TPX2: variants seen among roughly 807,000 people sequenced by gnomAD.
The protein encoded by TPX2 is targeting protein for Xklp2.
TPX2 carries 21 observed loss-of-function variants against 93.6 expected under a neutral mutation model. The observed-to-expected ratio is 0.22, with a 90% CI of 0.16 to 0.32. The LOEUF (loss-of-function observed/expected upper bound fraction) is 0.32, where lower values mean the gene tolerates loss of function less well. TPX2 is among the 10% of genes least tolerant of loss of function. The pLI, the probability that TPX2 is intolerant of heterozygous loss-of-function variation, is 1.00. For synonymous variants in TPX2, 281 were observed against 298.3 expected (o/e 0.94, Z 0.60); for missense variants, 776 against 871.1 (o/e 0.89, Z 1.37).
chr20:31,794,792 A>ATG (rs1568610103), intron 15 of TPX2, among the ~76,000 whole-genome samples: 31 of 105,640 alleles, frequency 2.9e-4, no homozygotes, highest in African/African-American at 1.2e-3. Context: ...GTGTGTGTGT[A>ATG]TGTGTGTGTG....
chr20:31,780,884 GTCT>G, intron 10 of TPX2: 4 of 367,272 alleles, frequency 1.1e-5, no homozygotes, highest in South Asian at 8.3e-5. Flanking sequence ...TTTTCACTTG[GTCT>G]TCTTTTGTTA....
intron 12 of TPX2, among the ~76,000 whole-genome samples, chr20:31,790,341 A>G (rs944307749): frequency 6.6e-6 from 1 of 152,224 alleles, no homozygotes; most frequent in Admixed American, 6.5e-5. Flanking sequence ...GATACTGCAA[A>G]AAGCATTTTG....
At chr20:31,776,531 T>C (rs6060939) in intron 8 of TPX2, among the ~76,000 whole-genome samples, 13,341 of 152,070 alleles carry the variant, frequency 0.088, 659 homozygotes, top group African/African-American at 0.14. Flanking sequence ...TTCTTTCTTT[T>C]TTTTTTTTTC....
In TPX2 at chr20:31,776,072, T is replaced by G. The variant is rs1443846262; in HGVS notation, c.730+84T>G. 2.1e-5 allele frequency: 11 copies of G among 518,890 alleles called. No homozygotes were observed. In the African/African-American group the frequency reaches 4.8e-4, roughly 23 times the overall value. The allele number at this position is 518,890 out of a possible 1,614,324, so 32.1% of individuals were successfully genotyped here. A position where few individuals can be genotyped will look rare whatever the true frequency, so the allele number is the denominator to read the frequency against. ...GGTGTTTTTTTTTTTTTTTTTTTTT[T>G]TTTTTTTTTTTTTTTTTTTGAGACG... On this transcript the variant is annotated intron_variant, in intron 8 of 17. Transcript: ENST00000300403.
At chr20:31,755,286 G>A (rs1308599027) in intron 2 of TPX2, among the ~76,000 whole-genome samples, 1 of 150,448 alleles carries the variant, frequency 6.6e-6, no homozygotes, top group African/African-American at 2.4e-5. Context: ...GTTTCACCAT[G>A]TTGGCCAGGC....
intron 3 of TPX2, among the ~76,000 whole-genome samples, chr20:31,758,239 C>T (rs771520486): frequency 3.9e-5 from 6 of 151,988 alleles, no homozygotes; most frequent in Non-Finnish European, 7.4e-5. Context: ...TCTGCCTCAG[C>T]CGCCCAAGTA....
intron 10 of TPX2, among the ~76,000 whole-genome samples, chr20:31,780,515 T>A (rs2062026793): frequency 6.6e-6 from 1 of 152,216 alleles, no homozygotes; most frequent in African/African-American, 2.4e-5. Flanking sequence ...TGATATGTCC[T>A]GCTTTCAGAA....
At chr20:31,775,778 A>T in intron 7 of TPX2, 89 bp from the exon 8 acceptor site, 1 of 1,279,854 alleles carries the variant, frequency 7.8e-7, no homozygotes, top group Non-Finnish European at 1.0e-6. Flanking sequence ...ATCACAGGTT[A>T]AAAATATTAT....
At chr20:31,785,186 C>T (rs180905179) in intron 12 of TPX2, among the ~76,000 whole-genome samples, 2 of 152,300 alleles carry the variant, frequency 1.3e-5, no homozygotes, top group Admixed American at 6.5e-5. Context: ...CTTCTGTTCA[C>T]GATGCTTTTT....
At position 31,798,377 on chromosome 20, in the gene TPX2, G is replaced by A; in HGVS notation, c.1958G>A (p.Gly653Asp). The change falls in exon 17 of 18, where the codon GGT becomes GAT. Residue 653 changes from glycine to aspartate, a missense_variant. By Grantham distance (94) the Gly-to-Asp change is moderately conservative (BLOSUM62 -1). Around this residue, in one of 3 missense-constraint regions of TPX2, gnomAD observed 461 missense variants for 551.2 expected, o/e 0.84. Transcript: ENST00000300403. ...TTTCTGTACTTAGAGGGCCTTTCTGGTTCTCTAGTTCAGGAACCTTTTCAG... is the reference window on the plus strand; with the variant it reads ...TTTCTGTACTTAGAGGGCCTTTCTGATTCTCTAGTTCAGGAACCTTTTCAG... ...EKKSVAEGLS[G>D]SLVQEPFQLA... 6.2e-7 allele frequency: 1 copy of A among 1,613,950 alleles called. No individual in the cohort carries two copies. The highest frequency in any genetic ancestry group is 1.1e-5 in the South Asian group (1 of 91,068).
chr20:31,768,115 G>A (rs2061940355), intron 5 of TPX2, among the ~76,000 whole-genome samples: 1 of 151,618 alleles, frequency 6.6e-6, no homozygotes, highest in African/African-American at 2.4e-5. Flanking sequence ...CGTATTTTTT[G>A]TAGAGATAGT....
At chr20:31,768,329 G>A (rs758829531) in intron 5 of TPX2, among the ~76,000 whole-genome samples, 29 of 151,760 alleles carry the variant, frequency 1.9e-4, no homozygotes, top group Middle Eastern at 3.4e-3. Flanking sequence ...TCCGCCTCCC[G>A]GGTTCAAGTG....
rs568188157 is a variant in TPX2, at chr20:31,741,351, G to A, written c.-177-1190G>A. On this transcript the variant is annotated intron_variant, in intron 1 of 17. Coordinates refer to ENST00000300403, the MANE Select transcript of TPX2 (RefSeq NM_012112.5). ...TTTTGAGACGGAGTCTCACTCTGTC[G>A]CCCAGGCTGGAGTGCAGTGGCGCGA... Among the ~76,000 whole-genome samples the A allele has an allele frequency of 1.4e-3, 213 of 149,006 alleles. 2 individuals are homozygous for A. The highest frequency in any genetic ancestry group is 2.0e-3 in the Non-Finnish European group (133 of 67,582).
In TPX2 at chr20:31,746,710, C is replaced by T. The variant is rs538694186; in HGVS notation, c.-71+4063C>T. 1.6e-3 allele frequency among the ~76,000 whole-genome samples: 250 copies of T among 152,080 alleles called. 1 individual carries two copies. The highest frequency in any genetic ancestry group is 5.7e-3 in the African/African-American group (237 of 41,486). ...CACCCTCTTGCAGCTTTCCCCAACC[C>T]GGTCTGAACCTGCACCTTTTGATTT... On this transcript the variant is annotated intron_variant, in intron 2 of 17. Transcript: ENST00000300403.
chr20:31,752,182 T>A (rs2061824426), intron 2 of TPX2, among the ~76,000 whole-genome samples: 1 of 152,232 alleles, frequency 6.6e-6, no homozygotes, highest in Non-Finnish European at 1.5e-5. Context: ...ATGTTTATTG[T>A]TCTCTTGGCC....
At chr20:31,751,431 A>T (rs2061818861) in intron 2 of TPX2, among the ~76,000 whole-genome samples, 1 of 152,062 alleles carries the variant, frequency 6.6e-6, no homozygotes, top group South Asian at 2.1e-4. Context: ...GAAAAGGAAA[A>T]TTTCCTCCTT....
At chr20:31,791,931 C>G (rs1325178634) in intron 12 of TPX2, among the ~76,000 whole-genome samples, 9 of 152,168 alleles carry the variant, frequency 5.9e-5, no homozygotes, top group Non-Finnish European at 1.3e-4. Flanking sequence ...AATATAAACT[C>G]TGTGTGAATC....
Position 31,766,454 on chromosome 20 carries a change from G to GGTGTGTGTGTGTGTGTGTGT in TPX2, c.230-79_230-60dup, listed in dbSNP as rs35700111. 12 of 720,656 alleles carry GGTGTGTGTGTGTGTGTGTGT rather than the reference G, an allele frequency of 1.7e-5. No homozygotes were observed. In the African/African-American group the frequency reaches 1.9e-4, roughly 11 times the overall value. The allele number at this position is 720,656 out of a possible 1,614,324, so 44.6% of individuals were successfully genotyped here. Reference sequence around the variant, plus strand: ...ACTAAGGTTTCTGTGGCTTAGACAGGGTGTGTGTGTGTGTGTGTGTGTGTG... The same window carrying GGTGTGTGTGTGTGTGTGTGT: ...ACTAAGGTTTCTGTGGCTTAGACAGGGTGTGTGTGTGTGTGTGTGTGTGTGTGTGTGTGTGTGTGTGTGTG... On this transcript the variant is annotated intron_variant, in intron 4 of 17. Coordinates refer to ENST00000300403, the MANE Select transcript of TPX2 (RefSeq NM_012112.5).
chr20:31,776,050 G>GTTTTTTTTTTTTTTTTTTTTTTTTT (rs10528470), intron 8 of TPX2, 62 bp downstream of exon 8: 3 of 325,990 alleles, frequency 9.2e-6, no homozygotes, highest in Middle Eastern at 1.3e-3. Flanking sequence ...CTTGGTAGGT[G>GTTTTTTTTTTTTTTTTTTTTTTTTT]TTTTTTTTTT....
Sources: gnomAD v4.1 joint callset for allele counts (sites outside exome capture counted in the v4.1 genomes callset) on GRCh38, gnomAD v4.1.1 for gene constraint, gnomAD v4.1.1 regional missense constraint, MANE v1.5 for transcripts, NCBI Gene and HGNC (gene_info 2026-07-23, HGNC 2026-07-21) for gene names.